HNRNPL: variants seen among roughly 807,000 people sequenced by gnomAD.
HNRNPL encodes the protein heterogeneous nuclear ribonucleoprotein L.
HNRNPL carries 12 observed loss-of-function variants against 64.0 expected under a neutral mutation model. The ratio of observed to expected loss-of-function variants is 0.19; its 90% CI spans 0.12 to 0.30. The LOEUF (loss-of-function observed/expected upper bound fraction) is 0.30, where lower values mean the gene tolerates loss of function less well. Among genes scored for constraint, HNRNPL ranks in the 10% least tolerant of loss-of-function variants. HNRNPL has a pLI of 1.00. For missense variants in HNRNPL, 484 were observed against 797.4 expected, an observed-to-expected ratio of 0.61 and a Z score of 4.73; for synonymous variants, 385 against 313.0, an observed-to-expected ratio of 1.23 and a Z score of -2.43.
chr19:38,839,431 G>T, intron 8 of HNRNPL: 1 of 188,010 alleles, frequency 5.3e-6, no homozygotes, highest in Non-Finnish European at 1.1e-5. Context: ...CTGGCTCTGA[G>T]TCCTGCTTCA....
chr19:38,837,823 T>C (rs756520926), intron 10 of HNRNPL, among the ~76,000 whole-genome samples, 172 bp from the exon 11 acceptor site: 2 of 152,238 alleles, frequency 1.3e-5, no homozygotes, highest in Non-Finnish European at 2.9e-5. Context: ...CCAGCAACAA[T>C]GCTCTTTAAT....
intron 8 of HNRNPL, 72 bp downstream of exon 8, chr19:38,840,024 T>C (rs989400637): frequency 1.4e-6 from 2 of 1,469,622 alleles, no homozygotes; most frequent in South Asian, 1.2e-5. Flanking sequence ...GGCTCCCCCC[T>C]GGTTCTTTCC....
chr19:38,839,272 G>C (rs1179472541), intron 8 of HNRNPL: 3 of 464,426 alleles, frequency 6.5e-6, no homozygotes, highest in Admixed American at 7.1e-5. Context: ...AACTGTACAG[G>C]AATCAGAAAT....
In HNRNPL at chr19:38,845,794, G is replaced by A; in HGVS notation, c.624+59C>T. On this transcript the variant is annotated intron_variant, in intron 3 of 12. Transcript: ENST00000221419. The stretch of plus-strand genomic sequence containing the variant: ...ACTGGCAGATCAGTCTGGCTTGGGG[G>A]AGGGAATAAGGGGAGAAAAGGAAGG... The A allele has an allele frequency of 1.9e-6, 3 of 1,597,504 alleles. No individual in the cohort carries two copies. The South Asian group carries it at 3.3e-5, about 18-fold the overall frequency.
Position 38,849,718 on chromosome 19 carries a change from C to T in HNRNPL, c.249G>A (p.Ala83=), listed in dbSNP as rs761352485. The change falls in exon 1 of 13, where the codon GCG becomes GCA. Residue 83 remains alanine, a synonymous_variant. Transcript: ENST00000221419. ...GCCTCACCCCACCGCCGCCGCCGCCCGCCGCCCCGGCTCCTCCACCGCCAC... is the reference window on the plus strand; with the variant it reads ...GCCTCACCCCACCGCCGCCGCCGCCTGCCGCCCCGGCTCCTCCACCGCCAC... ...GGGGGGGAGA[A]GGGGGGENYD... The T allele has an allele frequency of 1.8e-5, 25 of 1,366,814 alleles. No homozygotes were observed. The highest frequency in any genetic ancestry group is 1.9e-5 in the Non-Finnish European group (20 of 1,068,688). The allele number at this position is 1,366,814 out of a possible 1,614,324, so 84.7% of individuals were successfully genotyped here. A position where few individuals can be genotyped will look rare whatever the true frequency, so the allele number is the denominator to read the frequency against.
intron 8 of HNRNPL, 126 bp from the exon 9 acceptor site, chr19:38,839,141 C>T (rs1972026471): frequency 8.1e-7 from 1 of 1,229,686 alleles, no homozygotes; most frequent in East Asian, 2.4e-5. Flanking sequence ...ATCGGGACCA[C>T]TAGAAAAACA....
chr19:38,850,008 G>C, upstream of HNRNPL: 1 of 1,308,902 alleles, frequency 7.6e-7, no homozygotes, highest in Non-Finnish European at 9.8e-7. Context: ...CATTGGGGGA[G>C]GGACACGCCC....
Position 38,836,779 on chromosome 19 carries a change from A to G in HNRNPL, c.1713T>C (p.Asn571=), listed in dbSNP as rs760406008. 3.1e-6 allele frequency: 5 copies of G among 1,610,856 alleles called. No individual in the cohort carries two copies. In the South Asian group the frequency reaches 4.4e-5, roughly 14 times the overall value. ...FLNHYQMKNP[N]GPYPYTLKLC... is the part of the protein sequence containing the mutation. ...ACTTCAGAGTGTAAGGGTATGGACCATCTGCAAAGGAGAGACAAGTTTGGT... is the reference window on the plus strand; with the variant it reads ...ACTTCAGAGTGTAAGGGTATGGACCGTCTGCAAAGGAGAGACAAGTTTGGT... The change falls in exon 13 of 13, where the codon AAT becomes AAC. Residue 571 remains asparagine, a splice_region_variant and synonymous_variant. Coordinates refer to ENST00000221419, the MANE Select transcript of HNRNPL (RefSeq NM_001533.3).
rs374009651 is a variant in HNRNPL, at chr19:38,845,883, G to T, written c.594C>A (p.Thr198=). Residue 198 remains threonine (T), a synonymous_variant, in exon 3 of 13, where the codon ACC becomes ACA. Transcript: ENST00000221419. ...SRSVNSVLLF[T]ILNPIYSITT... ...TGATCGAATAAATGGGGTTCAGGAT[G>T]GTAAAGAGAAGCACACTGTTCACGC... is the stretch of plus-strand genomic sequence containing the variant. 6.2e-7 allele frequency: 1 copy of T among 1,614,130 alleles called. No homozygotes were observed. Among genetic ancestry groups the T allele is most frequent in the Non-Finnish European group, 8.5e-7 (1 of 1,179,972 alleles).
intron 10 of HNRNPL, 80 bp from the exon 11 acceptor site, chr19:38,837,731 T>A: frequency 8.1e-7 from 1 of 1,236,676 alleles, no homozygotes. Flanking sequence ...AGGCCCTGCA[T>A]GACTCAGTAC....
Position 38,849,831 on chromosome 19 carries a change from G to A in HNRNPL, c.136C>T (p.Arg46Cys). The A allele has an allele frequency of 8.1e-7, 1 of 1,236,308 alleles. No homozygotes were observed. The highest frequency in any genetic ancestry group is 1.1e-6 in the Non-Finnish European group (1 of 889,710). 76.6% of individuals were successfully genotyped at this position (1,236,308 alleles called of 1,614,324 possible). ...CCCTCACTGCCGCCGCCGTAGTAGC[G>A]GCCACCGCCGCCTCCGCCGCCCGCC... Reference protein sequence around the residue: ...AAAGGGGGGGRYYGGGSEGGR... With the variant: ...AAAGGGGGGGCYYGGGSEGGR... The change falls in exon 1 of 13, where the codon CGC becomes TGC. Residue 46 changes from arginine (R) to cysteine (C), a missense_variant. Physicochemically the swap from Arg to Cys is radical, Grantham distance 180. This residue lies in a region of HNRNPL where 190 missense variants were observed against 160.1 expected (regional missense o/e 1.19). Transcript: ENST00000221419.
chr19:38,837,257 G>T, intron 12 of HNRNPL, 127 bp downstream of exon 12: 1 of 724,590 alleles, frequency 1.4e-6, no homozygotes, highest in Non-Finnish European at 2.4e-6. Context: ...GGTCCCACCT[G>T]CCTGTGTCAC....
At chr19:38,851,427 G>C (rs1312909917), upstream of HNRNPL, among the ~76,000 whole-genome samples, 1 of 152,230 alleles carries the variant, frequency 6.6e-6, no homozygotes, top group Admixed American at 6.6e-5. Context: ...GCCCGCGCAG[G>C]GTGTGGGGGG....
intron 1 of HNRNPL, among the ~76,000 whole-genome samples, chr19:38,848,875 G>A (rs1322527052): frequency 6.6e-6 from 1 of 152,152 alleles, no homozygotes; most frequent in Admixed American, 6.5e-5. Flanking sequence ...CTAGCAACTC[G>A]TAACCCCTAA....
chr19:38,837,718 A>G (rs1971976165), intron 10 of HNRNPL, 67 bp from the exon 11 acceptor site: 1 of 1,393,698 alleles, frequency 7.2e-7, no homozygotes, highest in African/African-American at 1.4e-5. Context: ...ATTCAAGCAG[A>G]CCAGGCCCTG....
Position 38,836,486 on chromosome 19 carries a change from A to G in HNRNPL, c.*236T>C. ...GAAAAAAAAAAATCACATGTACAAT[A>G]ATTTTTTAAAAGTGAAGGTTAATCT... On this transcript the variant is annotated 3_prime_UTR_variant, in exon 13 of 13. Transcript: ENST00000221419. 2.6e-6 allele frequency: 1 copy of G among 390,124 alleles called. No homozygotes were observed. The highest frequency in any genetic ancestry group is 4.6e-6 in the Non-Finnish European group (1 of 217,352). The allele number at this position is 390,124 out of a possible 1,614,324, so 24.2% of individuals were successfully genotyped here.
intron 6 of HNRNPL, chr19:38,842,040 G>C (rs1972133093): frequency 1.2e-5 from 2 of 169,026 alleles, no homozygotes; most frequent in South Asian, 1.2e-4. Flanking sequence ...GTGCCTCTGA[G>C]CTGTTTGGCT....
chr19:38,849,619 C>T (rs1462763775), intron 1 of HNRNPL, 81 bp downstream of exon 1: 2 of 1,292,218 alleles, frequency 1.5e-6, no homozygotes, highest in South Asian at 5.4e-5. Context: ...CAGAGGCCCC[C>T]CTCAAAAAAT....
intron 6 of HNRNPL, chr19:38,841,494 C>T: frequency 4.2e-6 from 2 of 472,892 alleles, no homozygotes. Flanking sequence ...CTGCCCTTTC[C>T]TGCCACCCGG....
Sources: allele counts gnomAD v4.1 joint callset (sites outside exome capture counted in the v4.1 genomes callset), GRCh38; gene constraint gnomAD v4.1.1; regional missense constraint gnomAD v4.1.1; transcripts MANE v1.5; gene names NCBI Gene and HGNC (gene_info 2026-07-23, HGNC 2026-07-21).